CKB: variants seen among roughly 807,000 people sequenced by gnomAD.
CKB encodes the protein creatine kinase B.
A neutral mutation model predicts 36.9 loss-of-function variants in CKB; 15 were observed. That is an observed-to-expected ratio of 0.41 (90% confidence interval 0.27 to 0.63). The LOEUF (loss-of-function observed/expected upper bound fraction) is 0.63, where lower values mean the gene tolerates loss of function less well. Among genes scored for constraint, CKB ranks in the 20% least tolerant of loss-of-function variants. The pLI is 0.34. For missense variants in CKB, 413 were observed against 534.9 expected (o/e 0.77, Z 2.25); for synonymous variants, 250 against 228.2 (o/e 1.10, Z -0.86).
chr14:103,521,473 C>T, intron 4 of CKB, 39 bp from the exon 5 acceptor site: 3 of 1,474,952 alleles, frequency 2.0e-6, no homozygotes, highest in Non-Finnish European at 2.7e-6. Flanking sequence ...CTCCCGCGCC[C>T]GCCCCTCCAG....
chr14:103,519,714 A>C lies in CKB; in HGVS notation c.*150T>G. 1.2e-6 allele frequency: 1 copy of C among 842,772 alleles called. No individual in the cohort carries two copies. The highest frequency in any genetic ancestry group is 1.8e-6 in the Non-Finnish European group (1 of 560,262). 52.2% of individuals were successfully genotyped at this position (842,772 alleles called of 1,614,324 possible). A position where few individuals can be genotyped will look rare whatever the true frequency, so the allele number is the denominator to read the frequency against. ...TTTCAGCATCAGCAGTATCTTAGCC[A>C]TCAAAAAAATAAACTCTACCAAGGG... On this transcript the variant is annotated 3_prime_UTR_variant, in exon 8 of 8. Coordinates refer to ENST00000348956, the MANE Select transcript of CKB (RefSeq NM_001823.5).
chr14:103,520,676 G>A, intron 5 of CKB, 84 bp from the exon 6 acceptor site: 2 of 1,487,442 alleles, frequency 1.3e-6, no homozygotes, highest in East Asian at 4.9e-5. Context: ...AGTCCCTGAG[G>A]TGCTGCTCCC....
chr14:103,522,132 T>A lies in CKB; in HGVS notation c.239A>T (p.Glu80Val). Reference sequence around the variant, plus strand: ...GAGATCCTTGAACACTTCGTAGGACTCCTCGTCGCCCGCCACGCAGCCCAC... The same window carrying A: ...GAGATCCTTGAACACTTCGTAGGACACCTCGTCGCCCGCCACGCAGCCCAC... ...MTVGCVAGDE[E>V]SYEVFKDLFD... Residue 80 changes from glutamate (E) to valine (V), a missense_variant, in exon 3 of 8, where the codon GAG (glutamate) becomes GTG (valine). Physicochemically the swap from Glu to Val is moderately radical, Grantham distance 121 (BLOSUM62 -2). Transcript: ENST00000348956. The surrounding 1 kb of genome is among the most constrained non-coding windows in gnomAD (Gnocchi z 6.7). 1 of 1,600,672 alleles carries A rather than the reference T, an allele frequency of 6.2e-7. No homozygotes were observed.
rs1011238544 is a variant in CKB, at chr14:103,520,857, G to A, written c.654-265C>T. ...GACAGCCCGACCCGCCCCCCACAGT[G>A]GGGGTAGGAGCCCTGCCCCTGGAGA... On this transcript the variant is annotated intron_variant, in intron 5 of 7. Transcript: ENST00000348956. 5.9e-6 allele frequency: 3 copies of A among 511,628 alleles called. No homozygotes were observed. In the African/African-American group the frequency reaches 5.9e-5, roughly 10 times the overall value. The allele number at this position is 511,628 out of a possible 1,614,324, so 31.7% of individuals were successfully genotyped here.
At position 103,520,103 on chromosome 14, in the gene CKB, C is replaced by A; in HGVS notation, c.967+19G>T. The A allele has an allele frequency of 6.2e-7, 1 of 1,602,770 alleles. No homozygotes were observed. Among genetic ancestry groups the A allele is most frequent in the Non-Finnish European group, 8.5e-7 (1 of 1,174,118 alleles). On this transcript the variant is annotated intron_variant, in intron 7 of 7. Coordinates refer to ENST00000348956, the MANE Select transcript of CKB (RefSeq NM_001823.5). The stretch of plus-strand genomic sequence containing the variant: ...GCTGCCCAAAGGCCACGGGAAGCCG[C>A]AGCACCTGCCCTGCTCACCTGTGCC...
rs373145236 is a variant in CKB, at chr14:103,520,830, A to G, written c.654-238T>C. 8.9e-5 allele frequency: 50 copies of G among 560,606 alleles called. No homozygotes were observed. In the East Asian group the frequency reaches 1.7e-3, roughly 19 times the overall value. 34.7% of individuals were successfully genotyped at this position (560,606 alleles called of 1,614,324 possible). A position where few individuals can be genotyped will look rare whatever the true frequency, so the allele number is the denominator to read the frequency against. Reference sequence around the variant, plus strand: ...AGGTGGGGCGGGGCCAGGGACCGCCAGGACAGCCCGACCCGCCCCCCACAG... The same window carrying G: ...AGGTGGGGCGGGGCCAGGGACCGCCGGGACAGCCCGACCCGCCCCCCACAG... On this transcript the variant is annotated intron_variant, in intron 5 of 7. Transcript: ENST00000348956.
At chr14:103,520,918 C>A (rs1007145122) in intron 5 of CKB, among the ~76,000 whole-genome samples, 1 of 151,982 alleles carries the variant, frequency 6.6e-6, no homozygotes, top group African/African-American at 2.4e-5. Context: ...AGAATCCCAG[C>A]GGCGGAGGAG....
intron 5 of CKB, 150 bp downstream of exon 5, chr14:103,521,113 C>G: frequency 2.0e-6 from 2 of 988,226 alleles, no homozygotes; most frequent in East Asian, 2.6e-5. Flanking sequence ...AGGCGCGGCA[C>G]GGAACCCAGA....
chr14:103,519,946 T>C lies in CKB; in HGVS notation c.1064A>G (p.Asp355Gly). The C allele has an allele frequency of 6.2e-7, 1 of 1,610,498 alleles. No homozygotes were observed. Among genetic ancestry groups the C allele is most frequent in the Non-Finnish European group, 8.5e-7 (1 of 1,179,944 alleles). The change falls in exon 8 of 8, where the codon GAC becomes GGC. Residue 355 changes from aspartate to glycine, a missense_variant. Asp to Gly is a moderately conservative substitution (Grantham distance 94). Coordinates refer to ENST00000348956, the MANE Select transcript of CKB (RefSeq NM_001823.5). ...SEVELVQMVVDGVKLLIEMEQ... is the reference protein window; with the variant it reads ...SEVELVQMVVGGVKLLIEMEQ... ...CATCTCGATGAGCAGCTTCACTCCG[T>C]CCACCACCATCTGCACCAGCTCCAC...
Position 103,521,229 on chromosome 14 carries a change from AGGACGCCGCGAGAGGGCGCAGAG to A in CKB, c.653+11_653+33del, listed in dbSNP as rs1412318317. On this transcript the variant is annotated intron_variant, in intron 5 of 7. Transcript: ENST00000348956. ...GGGAAAGCGGAGGTAGCGGGGAGGG[AGGACGCCGCGAGAGGGCGCAGAG>A]GGACACGCACCAGATACCGCGGGCG... is the stretch of plus-strand genomic sequence containing the variant. 1 of 1,549,488 alleles carries A rather than the reference AGGACGCCGCGAGAGGGCGCAGAG, an allele frequency of 6.5e-7. No individual in the cohort carries two copies. Among genetic ancestry groups the A allele is most frequent in the African/African-American group, 1.4e-5 (1 of 72,856 alleles).
In CKB at chr14:103,519,946, TCCA is replaced by T; in HGVS notation, c.1061_1063del (p.Val354del). 1 of 1,610,498 alleles carries T rather than the reference TCCA, an allele frequency of 6.2e-7. No individual in the cohort carries two copies. Among genetic ancestry groups the T allele is most frequent in the Non-Finnish European group, 8.5e-7 (1 of 1,179,944 alleles). On this transcript the variant is annotated inframe_deletion, in exon 8 of 8. Coordinates refer to ENST00000348956, the MANE Select transcript of CKB (RefSeq NM_001823.5). ...CATCTCGATGAGCAGCTTCACTCCG[TCCA>T]CCACCATCTGCACCAGCTCCACCTC...
At position 103,520,102 on chromosome 14, in the gene CKB, G is replaced by T; in HGVS notation, c.967+20C>A. The T allele has an allele frequency of 6.2e-7, 1 of 1,602,236 alleles. No individual in the cohort carries two copies. The highest frequency in any genetic ancestry group is 8.5e-7 in the Non-Finnish European group (1 of 1,173,934). On this transcript the variant is annotated intron_variant, in intron 7 of 7. Coordinates refer to ENST00000348956, the MANE Select transcript of CKB (RefSeq NM_001823.5). ...GGCTGCCCAAAGGCCACGGGAAGCC[G>T]CAGCACCTGCCCTGCTCACCTGTGC...
At position 103,521,351 on chromosome 14, in the gene CKB, C is replaced by T; in HGVS notation, c.565G>A (p.Asp189Asn). The change falls in exon 5 of 8, where the codon GAC becomes AAC. Residue 189 changes from aspartate (D) to asparagine (N), a missense_variant. Physicochemically the swap from Asp to Asn is conservative, Grantham distance 23 (BLOSUM62 1). Transcript: ENST00000348956. ...GGCTTGTCGAAGAGGAAGTGGTCGT[C>T]GATGAGCTGCTGCTGCTCCGCCTCC... ...MTEAEQQQLI[D>N]DHFLFDKPVS... The T allele has an allele frequency of 1.9e-6, 3 of 1,609,954 alleles. No homozygotes were observed. Among genetic ancestry groups the T allele is most frequent in the Non-Finnish European group, 2.5e-6 (3 of 1,179,394 alleles).
Position 103,522,574 on chromosome 14 carries a change from G to T in CKB, c.-12-69C>A. ...TCCCGGGCTCCCGCGTACCACTCAG[G>T]CCCCCGCCGCCGGGCCCCCCGGCGC... On this transcript the variant is annotated intron_variant, in intron 1 of 7. Transcript: ENST00000348956. The surrounding 1 kb of genome is among the most constrained non-coding windows in gnomAD (Gnocchi z 6.7). The T allele has an allele frequency of 2.8e-6, 1 of 357,766 alleles. No homozygotes were observed. The highest frequency in any genetic ancestry group is 4.5e-6 in the Non-Finnish European group (1 of 222,246). The allele number at this position is 357,766 out of a possible 1,614,324, so 22.2% of individuals were successfully genotyped here.
At position 103,521,837 on chromosome 14, in the gene CKB, G is replaced by C. The variant is rs1159742495; in HGVS notation, c.462C>G (p.Ile154Met). The C allele has an allele frequency of 4.6e-6, 7 of 1,507,978 alleles. No homozygotes were observed. Among genetic ancestry groups the C allele is most frequent in the Admixed American group, 2.1e-5 (1 of 47,048 alleles). The allele number at this position is 1,507,978 out of a possible 1,614,324, so 93.4% of individuals were successfully genotyped here. ...CCCTACCTTCCACCGCGAGCTTCTCGATGGCGCGGCGCTCCCCGCGGCTGC... is the reference window on the plus strand; with the variant it reads ...CCCTACCTTCCACCGCGAGCTTCTCCATGGCGCGGCGCTCCCCGCGGCTGC... The part of the protein sequence containing the change: ...PHCSRGERRA[I>M]EKLAVEALSS... The change falls in exon 4 of 8, where the codon ATC (isoleucine) becomes ATG (methionine). Residue 154 changes from isoleucine to methionine, a missense_variant. Ile to Met is a conservative substitution (Grantham distance 10). Transcript: ENST00000348956.
In CKB at chr14:103,522,053, G is replaced by A; in HGVS notation, c.318C>T (p.His106=). The change falls in exon 3 of 8, where the codon CAC becomes CAT. Residue 106 remains histidine, a synonymous_variant. Transcript: ENST00000348956. The surrounding 1 kb of genome is among the most constrained non-coding windows in gnomAD (Gnocchi z 6.7). ...RHGGYKPSDE[H]KTDLNPDNLQ... The stretch of plus-strand genomic sequence containing the variant: ...GGTTGTCGGGGTTGAGGTCGGTCTT[G>A]TGCTCATCGCTGGGCTTGTAGCCGC... 1 of 1,548,530 alleles carries A rather than the reference G, an allele frequency of 6.5e-7. No homozygotes were observed.
rs751936373 is a variant in CKB at position 103,519,953 on chromosome 14, C to G, written c.1057G>C (p.Val353Leu). ...ATGAGCAGCTTCACTCCGTCCACCA[C>G]CATCTGCACCAGCTCCACCTCTGAG... ...GFSEVELVQM[V>L]VDGVKLLIEM... Residue 353 changes from valine (V) to leucine (L), a missense_variant, in exon 8 of 8, where the codon GTG becomes CTG. Coordinates refer to ENST00000348956, the MANE Select transcript of CKB (RefSeq NM_001823.5). The G allele has an allele frequency of 5.6e-6, 9 of 1,610,778 alleles. No homozygotes were observed. The highest frequency in any genetic ancestry group is 1.3e-5 in the African/African-American group (1 of 74,942).
Position 103,522,211 on chromosome 14 carries a change from G to T in CKB, c.194-34C>A. ...GGGGGCGCGGGACGGGGACAGTGAC[G>T]TCACTGCCGGGCCCGAGCGCGCTGC... is the stretch of plus-strand genomic sequence containing the variant. On this transcript the variant is annotated intron_variant, in intron 2 of 7. Transcript: ENST00000348956. This position sits in a 1 kb window ranked among gnomAD's most constrained non-coding sequence, Gnocchi z 6.7. 1 of 1,588,492 alleles carries T rather than the reference G, an allele frequency of 6.3e-7. No individual in the cohort carries two copies. The highest frequency in any genetic ancestry group is 8.6e-7 in the Non-Finnish European group (1 of 1,168,892).
chr14:103,521,912 C>T lies in CKB; in HGVS notation c.387G>A (p.Ser129=), dbSNP rs1166881322. ...GGATGCTGCGGCCCGTGCGCACCCGCGAGCTCAGCACGTAGTTGGGGTCCA... is the reference window on the plus strand; with the variant it reads ...GGATGCTGCGGCCCGTGCGCACCCGTGAGCTCAGCACGTAGTTGGGGTCCA... ...DDLDPNYVLS[S]RVRTGRSIRG... is the part of the protein sequence containing the mutation. Residue 129 remains serine, a synonymous_variant, in exon 4 of 8, where the codon TCG becomes TCA. Transcript: ENST00000348956. 1.9e-6 allele frequency: 3 copies of T among 1,578,904 alleles called. No individual in the cohort carries two copies. Among genetic ancestry groups the T allele is most frequent in the Non-Finnish European group, 2.6e-6 (3 of 1,171,176 alleles).
Sources: gnomAD v4.1 joint callset for allele counts (sites outside exome capture counted in the v4.1 genomes callset) on GRCh38, gnomAD v4.1.1 for gene constraint, Gnocchi (gnomAD v3.1) non-coding constraint, MANE v1.5 for transcripts, NCBI Gene and HGNC (gene_info 2026-07-23, HGNC 2026-07-21) for gene names.